The following PTPA variants were observed in gnomAD, a reference collection of about 807,000 sequenced individuals.
PTPA encodes serine/threonine-protein phosphatase 2A activator.
A neutral mutation model predicts 43.6 loss-of-function variants in PTPA; 13 were observed. The ratio of observed to expected loss-of-function variants is 0.30; its 90% CI spans 0.19 to 0.47. PTPA has a LOEUF of 0.47. PTPA is among the 20% of genes least tolerant of loss of function. PTPA has a pLI of 0.99. For synonymous variants in PTPA, 172 were observed against 158.2 expected (o/e 1.09, Z -0.66); for missense variants, 329 against 411.9 (o/e 0.80, Z 1.74).
intron 6 of PTPA, among the ~76,000 whole-genome samples, 155 bp from the exon 7 acceptor site, chr9:129,136,316 G>A (rs114997269): frequency 0.038 from 5,744 of 152,274 alleles, 357 homozygotes; most frequent in African/African-American, 0.13. Context: ...ATGGCTGAGT[G>A]TTTGTTGGGG....
chr9:129,119,981 G>A (rs1007558909), intron 1 of PTPA, among the ~76,000 whole-genome samples: 1 of 152,002 alleles, frequency 6.6e-6, no homozygotes, highest in African/African-American at 2.4e-5. Context: ...GAGAGAGGCC[G>A]GGCGCTTTGG....
At chr9:129,147,159 G>A (rs1045989923) in intron 9 of PTPA, among the ~76,000 whole-genome samples, 1 of 140,382 alleles carries the variant, frequency 7.1e-6, no homozygotes, top group Non-Finnish European at 1.5e-5. Context: ...TTTCTACCTT[G>A]TAGGTTTGGG....
Position 129,123,127 on chromosome 9 carries a change from A to C in PTPA, c.205A>C (p.Arg69=). The part of the protein sequence containing the change: ...VKGKKLTFEY[R]VSEAIEKLVA... ...GGGGAAGAAGCTGACCTTCGAGTAC[A>C]GAGTCTCCGAGGTAGGCCCAAGGAG... The change falls in exon 3 of 10, where the codon AGA becomes CGA. Residue 69 remains arginine, a synonymous_variant. Coordinates refer to ENST00000393370, the MANE Select transcript of PTPA (RefSeq NM_178000.3). 1 of 1,608,812 alleles carries C rather than the reference A, an allele frequency of 6.2e-7. No individual in the cohort carries two copies. Among genetic ancestry groups the C allele is most frequent in the South Asian group, 1.1e-5 (1 of 91,014 alleles).
intron 2 of PTPA, among the ~76,000 whole-genome samples, chr9:129,121,643 A>G (rs1334979601): frequency 6.6e-6 from 1 of 152,206 alleles, no homozygotes; most frequent in African/African-American, 2.4e-5. Context: ...ACGTTTACTA[A>G]TATCTCTGGC....
chr9:129,110,958 C>T (rs1190390259), upstream of PTPA: 9 of 1,365,296 alleles, frequency 6.6e-6, no homozygotes, highest in African/African-American at 1.5e-5. The surrounding 1 kb of genome is among the most constrained non-coding windows in gnomAD (Gnocchi z 5.3). Context: ...TCATTGAGAC[C>T]TGTGGAGGAG....
At chr9:129,137,133 T>C (rs537752579) in intron 7 of PTPA, among the ~76,000 whole-genome samples, 5 of 152,302 alleles carry the variant, frequency 3.3e-5, no homozygotes, top group Non-Finnish European at 7.3e-5. Flanking sequence ...CATCTCTATT[T>C]TGATGAAGAA....
Position 129,143,178 on chromosome 9 carries a change from C to T in PTPA, c.894+626C>T, listed in dbSNP as rs984859118. On this transcript the variant is annotated intron_variant, in intron 9 of 9. Coordinates refer to ENST00000393370, the MANE Select transcript of PTPA (RefSeq NM_178000.3). ...CTCCTGCCCTCTTGGCACTGTTCTC[C>T]CAGCCAAGGAGGTGGCCTTTTCTCT... The T allele has an allele frequency of 4.8e-6, 3 of 618,944 alleles. No homozygotes were observed. In the Admixed American group the frequency reaches 8.0e-5, roughly 16 times the overall value. The allele number at this position is 618,944 out of a possible 1,614,324, so 38.3% of individuals were successfully genotyped here.
intron 9 of PTPA, chr9:129,143,529 G>A (rs1402557363): frequency 2.9e-6 from 2 of 687,598 alleles, no homozygotes; most frequent in Non-Finnish European, 5.3e-6. Context: ...GGACAACGGG[G>A]AAGGGTGCCA....
chr9:129,119,924 C>T (rs2131552608), intron 1 of PTPA, among the ~76,000 whole-genome samples: 1 of 152,060 alleles, frequency 6.6e-6, no homozygotes, highest in Non-Finnish European at 1.5e-5. Context: ...AAGTATGTGT[C>T]TGGTTTATTC....
chr9:129,145,919 GCTCCTCCTGCCCTGGAGC>G (rs1401511194), intron 9 of PTPA, among the ~76,000 whole-genome samples: 1 of 152,114 alleles, frequency 6.6e-6, no homozygotes, highest in Non-Finnish European at 1.5e-5. Context: ...TGGGCTGGAG[GCTCCTCCTGCCCTGGAGC>G]CTTAGGCTTC....
chr9:129,134,693 T>G (rs997373078), intron 5 of PTPA, 102 bp from the exon 6 acceptor site: 1 of 882,384 alleles, frequency 1.1e-6, no homozygotes. Flanking sequence ...TTGACCACCC[T>G]CCTCAGAGGG....
At chr9:129,144,566 G>A (rs559206603) in intron 9 of PTPA, among the ~76,000 whole-genome samples, 4 of 151,090 alleles carry the variant, frequency 2.6e-5, no homozygotes, top group Non-Finnish European at 5.9e-5. Flanking sequence ...GTGAAACCCC[G>A]TCTCTACTAA....
intron 8 of PTPA, among the ~76,000 whole-genome samples, chr9:129,141,233 G>C (rs1021947047): frequency 2.6e-5 from 4 of 152,170 alleles, no homozygotes; most frequent in African/African-American, 9.7e-5. Context: ...TGGGTCACCA[G>C]GTGGCAGCCC....
chr9:129,121,669 G>A (rs1849258203), intron 2 of PTPA, among the ~76,000 whole-genome samples: 1 of 152,248 alleles, frequency 6.6e-6, no homozygotes, highest in African/African-American at 2.4e-5. Flanking sequence ...CCCACTAGAT[G>A]TTGGCAGCAT....
chr9:129,125,278 AGT>A (rs1487410359), intron 3 of PTPA, among the ~76,000 whole-genome samples: 4 of 142,392 alleles, frequency 2.8e-5, no homozygotes, highest in African/African-American at 1.0e-4. Context: ...TTTTTTTTTG[AGT>A]TTTTCTTGTT....
rs1849773042 is a variant in PTPA at position 129,129,056 on chromosome 9, G to A, written c.288G>A (p.Gln96=). ...TTGATGAGACTCCTCCAGTGGACCA[G>A]CCCTCTCGGTTTGGGAATAAGGCAT... ...RWIDETPPVD[Q]PSRFGNKAYR... Residue 96 remains glutamine (Q), a synonymous_variant, in exon 4 of 10, where the codon CAG becomes CAA. Transcript: ENST00000393370. 5 of 1,612,664 alleles carry A rather than the reference G, an allele frequency of 3.1e-6. No individual in the cohort carries two copies. In the East Asian group the frequency reaches 8.9e-5, roughly 29 times the overall value.
chr9:129,125,432 A>G (rs573769304), intron 3 of PTPA, among the ~76,000 whole-genome samples: 28 of 151,990 alleles, frequency 1.8e-4, no homozygotes, highest in Non-Finnish European at 3.5e-4. Context: ...TTGTATTTTT[A>G]GTAGAGACGG....
intron 5 of PTPA, 125 bp downstream of exon 5, chr9:129,131,764 T>A: frequency 1.1e-6 from 1 of 932,178 alleles, no homozygotes; most frequent in Non-Finnish European, 1.7e-6. Context: ...ACCTGCAACC[T>A]ATTGGGGCCA....
intron 8 of PTPA, among the ~76,000 whole-genome samples, chr9:129,140,848 A>C (rs1035101888): frequency 1.5e-4 from 23 of 152,078 alleles, no homozygotes; most frequent in African/African-American, 2.2e-4. Context: ...TGAGCAGGGC[A>C]GTTGAAACAA....
Sources: allele counts gnomAD v4.1 joint callset (sites outside exome capture counted in the v4.1 genomes callset), GRCh38; gene constraint gnomAD v4.1.1; non-coding constraint Gnocchi (gnomAD v3.1); transcripts MANE v1.5; gene names NCBI Gene and HGNC (gene_info 2026-07-23, HGNC 2026-07-21).